Variants in SNTG1 observed in about 807,000 individuals in gnomAD.
SNTG1 encodes gamma-1-syntrophin.
Under a neutral mutation model 74.7 loss-of-function variants are expected in SNTG1, and 39 were observed. The ratio of observed to expected loss-of-function variants is 0.52; its 90% CI spans 0.40 to 0.68. The LOEUF (loss-of-function observed/expected upper bound fraction) is 0.68. SNTG1 is among the 30% of genes least tolerant of loss of function. SNTG1 has a pLI of 0.00. For missense variants in SNTG1, 685 were observed against 609.5 expected, an observed-to-expected ratio of 1.12 and a Z score of -1.30; for synonymous variants, 254 against 217.1, an observed-to-expected ratio of 1.17 and a Z score of -1.49.
chr8:50,003,128 C>A (rs1814898822), intron 1 of SNTG1, among the ~76,000 whole-genome samples: 1 of 152,128 alleles, frequency 6.6e-6, no homozygotes. Flanking sequence ...TGGGCACAAG[C>A]ATTTCTTTTG....
intron 1 of SNTG1, among the ~76,000 whole-genome samples, chr8:50,104,878 T>A (rs2080303544): frequency 6.6e-6 from 1 of 152,126 alleles, no homozygotes; most frequent in Non-Finnish European, 1.5e-5. Flanking sequence ...CACTTTTCAA[T>A]GGGGTTGTTT....
At chr8:50,384,791 G>T (rs2092548139) in intron 2 of SNTG1, among the ~76,000 whole-genome samples, 1 of 152,148 alleles carries the variant, frequency 6.6e-6, no homozygotes, top group South Asian at 2.1e-4. Context: ...GGAAACCATA[G>T]ATAATTGAAG....
At chr8:50,735,361 G>A (rs1415991269) in intron 17 of SNTG1, among the ~76,000 whole-genome samples, 1 of 151,816 alleles carries the variant, frequency 6.6e-6, no homozygotes, top group African/African-American at 2.4e-5. Context: ...ATGAAAGGAA[G>A]CTAAGAAACT....
chr8:50,280,985 CAAAA>C (rs35973666), intron 2 of SNTG1, among the ~76,000 whole-genome samples: 5 of 75,462 alleles, frequency 6.6e-5, no homozygotes, highest in Admixed American at 1.5e-4. Flanking sequence ...AACCCAGTCT[CAAAA>C]AAAAAAAAAA....
chr8:50,378,153 C>T (rs534341807), intron 2 of SNTG1, among the ~76,000 whole-genome samples: 5 of 152,314 alleles, frequency 3.3e-5, no homozygotes, highest in South Asian at 2.1e-4. Context: ...GGCCACTGCA[C>T]GATCAGACAC....
chr8:49,962,277 G>T (rs1304277249), intron 1 of SNTG1, among the ~76,000 whole-genome samples: 2 of 151,728 alleles, frequency 1.3e-5, no homozygotes, highest in East Asian at 3.9e-4. Context: ...CATGCAGGAA[G>T]CTGAGAGACT....
intron 8 of SNTG1, 80 bp from the exon 9 acceptor site, chr8:50,502,698 A>T (rs993640290): frequency 2.9e-5 from 34 of 1,184,666 alleles, no homozygotes; most frequent in Non-Finnish European, 3.0e-5. Context: ...TGGAAGAAAC[A>T]ACCAATAATT....
chr8:50,309,374 T>C (rs1040340192), intron 2 of SNTG1, among the ~76,000 whole-genome samples: 23 of 145,312 alleles, frequency 1.6e-4, no homozygotes, highest in African/African-American at 5.2e-4. Context: ...AAAAAAAAAA[T>C]CACTGTTCTG....
intron 9 of SNTG1, among the ~76,000 whole-genome samples, chr8:50,507,398 A>T (rs2094016293): frequency 6.6e-6 from 1 of 152,142 alleles, no homozygotes; most frequent in African/African-American, 2.4e-5. Context: ...GAGAAAGATC[A>T]GTGCTAATTC....
chr8:50,040,053 T>A (rs1432534404), intron 1 of SNTG1, among the ~76,000 whole-genome samples: 1 of 152,104 alleles, frequency 6.6e-6, no homozygotes, highest in Non-Finnish European at 1.5e-5. Context: ...AGATGAGTCA[T>A]GTTGAATCCA....
In SNTG1 at chr8:50,517,340, T is replaced by G. The variant is rs139567202; in HGVS notation, c.467-12837T>G. 9.8e-3 allele frequency among the ~76,000 whole-genome samples: 1,494 copies of G among 152,152 alleles called. 13 individuals carry two copies. The highest frequency in any genetic ancestry group is 0.015 in the Non-Finnish European group (1,042 of 67,992). ...AAACCGATACCAGCCACTGCAAAAG[T>G]ATACCAAATTGTAAAGACCATCAAT... On this transcript the variant is annotated intron_variant, in intron 9 of 18. Transcript: ENST00000642720.
rs183403984 is a variant in SNTG1, at chr8:50,139,129, A to G, written c.-102-33432A>G. Reference sequence around the variant, plus strand: ...CATATATTTGCATATATTTATGTACATTTGTGTATATCTGTGGGTATTTAT... The same window carrying G: ...CATATATTTGCATATATTTATGTACGTTTGTGTATATCTGTGGGTATTTAT... On this transcript the variant is annotated intron_variant, in intron 1 of 18. Transcript: ENST00000642720. Among the ~76,000 whole-genome samples the G allele has an allele frequency of 2.0e-5, 3 of 152,132 alleles. No homozygotes were observed. The East Asian group carries it at 5.8e-4, about 29-fold the overall frequency.
intron 12 of SNTG1, among the ~76,000 whole-genome samples, chr8:50,589,244 G>A (rs2094675189): frequency 6.6e-6 from 1 of 152,036 alleles, no homozygotes; most frequent in African/African-American, 2.4e-5. Context: ...AGGTAAGTCA[G>A]GTATGTACTA....
At chr8:50,581,498 A>G (rs532150636) in intron 12 of SNTG1, among the ~76,000 whole-genome samples, 1 of 152,340 alleles carries the variant, frequency 6.6e-6, no homozygotes, top group Admixed American at 6.5e-5. Context: ...TTATTGTAAT[A>G]TAAGAACTTC....
chr8:50,409,230 C>T (rs1267140582), intron 4 of SNTG1, among the ~76,000 whole-genome samples: 1 of 152,174 alleles, frequency 6.6e-6, no homozygotes, highest in Non-Finnish European at 1.5e-5. Flanking sequence ...AAATATTGAT[C>T]ATTTAGAAAC....
At chr8:50,159,554 C>T (rs965697491) in intron 1 of SNTG1, among the ~76,000 whole-genome samples, 4 of 151,962 alleles carry the variant, frequency 2.6e-5, no homozygotes, top group African/African-American at 9.7e-5. Context: ...AGATTTTGGT[C>T]AAAGGAAAAA....
At chr8:50,764,273 G>A (rs2095607869) in intron 18 of SNTG1, among the ~76,000 whole-genome samples, 1 of 151,662 alleles carries the variant, frequency 6.6e-6, no homozygotes, top group African/African-American at 2.4e-5. Flanking sequence ...TAAACAAACA[G>A]GATTATATCA....
chr8:50,443,392 C>T (rs1259016884), intron 5 of SNTG1, among the ~76,000 whole-genome samples: 2 of 152,084 alleles, frequency 1.3e-5, no homozygotes, highest in Non-Finnish European at 2.9e-5. Flanking sequence ...TATCTATGTC[C>T]ATTAAATAAA....
chr8:50,746,629 T>A (rs2095555686), intron 17 of SNTG1, among the ~76,000 whole-genome samples: 1 of 151,654 alleles, frequency 6.6e-6, no homozygotes, highest in South Asian at 2.1e-4. Context: ...AGGTTAAAAC[T>A]AAAGATATCT....
Sources: gnomAD v4.1 joint callset for allele counts (sites outside exome capture counted in the v4.1 genomes callset) on GRCh38, gnomAD v4.1.1 for gene constraint, MANE v1.5 for transcripts, NCBI Gene and HGNC (gene_info 2026-07-23, HGNC 2026-07-21) for gene names.